The following TCF20 variants were observed in gnomAD, a reference collection of about 807,000 sequenced individuals.
TCF20 encodes transcription factor 20, also known as SPRE-binding protein.
Under a neutral mutation model 148.6 loss-of-function variants are expected in TCF20, and 3 were observed. The observed-to-expected ratio is 0.02, with a 90% CI of 0.01 to 0.05. TCF20 has a LOEUF of 0.05. Among genes scored for constraint, TCF20 ranks in the 10% least tolerant of loss-of-function variants. TCF20 has a pLI of 1.00. For missense variants in TCF20, 2,350 were observed against 2,429.3 expected (o/e 0.97, Z 0.69); for synonymous variants, 1,049 against 909.5 (o/e 1.15, Z -2.76).
At chr22:42,199,612 G>A (rs1214422975) in intron 2 of TCF20, among the ~76,000 whole-genome samples, 1 of 142,150 alleles carries the variant, frequency 7.0e-6, no homozygotes, top group Non-Finnish European at 1.5e-5. Flanking sequence ...GCTCAGGCCT[G>A]TAATCCCGAC....
chr22:42,259,061 C>A (rs917169885), intron 1 of TCF20, among the ~76,000 whole-genome samples: 4 of 152,206 alleles, frequency 2.6e-5, no homozygotes, highest in African/African-American at 9.6e-5. Flanking sequence ...ACCCAACTGA[C>A]ATTTCTCAGT....
intron 2 of TCF20, among the ~76,000 whole-genome samples, chr22:42,198,507 G>A (rs1035087253): frequency 6.6e-6 from 1 of 152,130 alleles, no homozygotes; most frequent in Admixed American, 6.5e-5. Flanking sequence ...TATAAGCTAA[G>A]CACATCCTCC....
At chr22:42,232,119 TTTATACC>T (rs1923473034) in intron 1 of TCF20, among the ~76,000 whole-genome samples, 1 of 152,116 alleles carries the variant, frequency 6.6e-6, no homozygotes, top group South Asian at 2.1e-4. Flanking sequence ...TTCCTTATCT[TTTATACC>T]TTATTTTTAC....
chr22:42,214,723 G>A lies in TCF20; in HGVS notation c.583C>T (p.Pro195Ser). 6.2e-7 allele frequency: 1 copy of A among 1,614,134 alleles called. No homozygotes were observed. Among genetic ancestry groups the A allele is most frequent in the Non-Finnish European group, 8.5e-7 (1 of 1,180,038 alleles). ...QQLYQSHQPL[P>S]QATGQPASSS... is the part of the protein sequence containing the mutation. ...GATGCTGGTTGGCCAGTGGCCTGTG[G>A]CAGGGGCTGATGGGACTGGTAAAGC... Residue 195 changes from proline (P) to serine (S), a missense_variant, in exon 2 of 6, where the codon CCA becomes TCA. Coordinates refer to ENST00000677622, the MANE Select transcript of TCF20 (RefSeq NM_001378418.1).
chr22:42,211,945 T>C lies in TCF20; in HGVS notation c.3361A>G (p.Lys1121Glu). ...AGAAACTGCTGCTGCCTTGGACTCT[T>C]CCGTGGCCCCTCCTGCCTGTGCTGT... ...AAQHRQEGPR[K>E]SPRQQQFLDR... Residue 1121 changes from lysine (K) to glutamate (E), a missense_variant, in exon 2 of 6, where the codon AAG (lysine) becomes GAG (glutamate). Physicochemically the swap from Lys to Glu is moderately conservative, Grantham distance 56 (BLOSUM62 1). Around this residue, in one of 7 missense-constraint regions of TCF20, gnomAD observed 1,641 missense variants for 1,662.6 expected, o/e 0.99. Coordinates refer to ENST00000677622, the MANE Select transcript of TCF20 (RefSeq NM_001378418.1). The C allele has an allele frequency of 6.2e-7, 1 of 1,614,220 alleles. No individual in the cohort carries two copies. Among genetic ancestry groups the C allele is most frequent in the Non-Finnish European group, 8.5e-7 (1 of 1,180,036 alleles).
intron 5 of TCF20, 107 bp from the exon 6 acceptor site, chr22:42,161,465 C>G: frequency 7.0e-7 from 1 of 1,425,882 alleles, no homozygotes; most frequent in South Asian, 1.2e-5. Context: ...GGAGCCTGCA[C>G]TCACGCCCCT....
At position 42,210,410 on chromosome 22, in the gene TCF20, G is replaced by A. The variant is rs978779347; in HGVS notation, c.4896C>T (p.Tyr1632=). The change falls in exon 2 of 6, where the codon TAC becomes TAT. Residue 1632 remains tyrosine, a synonymous_variant. Coordinates refer to ENST00000677622, the MANE Select transcript of TCF20 (RefSeq NM_001378418.1). This position sits in a 1 kb window ranked among gnomAD's most constrained non-coding sequence, Gnocchi z 4.7. The part of the protein sequence containing the change: ...DKTDAKNKSF[Y]PYIHVVNKCE... Reference sequence around the variant, plus strand: ...ACTTATTTACTACATGGATGTAAGGGTAAAAAGACTTGTTCTTGGCATCAG... The same window carrying A: ...ACTTATTTACTACATGGATGTAAGGATAAAAAGACTTGTTCTTGGCATCAG... 1.2e-6 allele frequency: 2 copies of A among 1,614,234 alleles called. No homozygotes were observed. The highest frequency in any genetic ancestry group is 1.1e-5 in the South Asian group (1 of 91,086).
Position 42,311,042 on chromosome 22 carries a change from G to A in TCF20, c.-37+32437C>T, listed in dbSNP as rs1414801455. ...TTAGGAACCGTATGGCTGGCCCAAG[G>A]CTGGCCCGGTGGCATCCAGGGATTG... On this transcript the variant is annotated intron_variant, in intron 1 of 1. Coordinates refer to the TCF20 transcript ENST00000515426. Among the ~76,000 whole-genome samples, 8 of 152,216 alleles carry A rather than the reference G, an allele frequency of 5.3e-5. No homozygotes were observed. In the East Asian group the frequency reaches 1.5e-3, roughly 29 times the overall value.
At chr22:42,165,155 G>A (rs149730300) in intron 5 of TCF20, among the ~76,000 whole-genome samples, 5 of 152,358 alleles carry the variant, frequency 3.3e-5, no homozygotes, top group Admixed American at 1.3e-4. Flanking sequence ...TCCTCTGGAG[G>A]TGTAACCCTG....
intron 1 of TCF20, among the ~76,000 whole-genome samples, chr22:42,291,550 G>A (rs1348477636): frequency 1.3e-5 from 2 of 152,188 alleles, no homozygotes; most frequent in African/African-American, 4.8e-5. Flanking sequence ...TGCTGGGACC[G>A]CCTCTGGGAG....
In TCF20 at chr22:42,210,833, A is replaced by T. The variant is rs775870538; in HGVS notation, c.4473T>A (p.Phe1491Leu). 1 of 1,614,062 alleles carries T rather than the reference A, an allele frequency of 6.2e-7. No homozygotes were observed. The highest frequency in any genetic ancestry group is 1.7e-5 in the Admixed American group (1 of 60,016). ...CTGGAGGTACATTCTTTGAGTCTGG[A>T]AAGATTAAAGGTGCTGTTCCACCCA... ...GSLGGTAPLI[F>L]PDSKNVPPVG... Residue 1491 changes from phenylalanine to leucine, a missense_variant, in exon 2 of 6, where the codon TTT becomes TTA. Phe to Leu is a conservative substitution (Grantham distance 22). Transcript: ENST00000677622. This position sits in a 1 kb window ranked among gnomAD's most constrained non-coding sequence, Gnocchi z 4.7.
Position 42,295,668 on chromosome 22 carries a change from A to G in TCF20, c.-37+47811T>C, listed in dbSNP as rs1021526012. On this transcript the variant is annotated intron_variant, in intron 1 of 1. Transcript: ENST00000515426. ...ATGTTGAGGCTAGTCTCGAACTCCT[A>G]ACCTCAAGTGATCCACCCACCTCAG... 1.6e-4 allele frequency among the ~76,000 whole-genome samples: 25 copies of G among 151,890 alleles called. 1 individual carries two copies. The highest frequency in any genetic ancestry group is 2.4e-4 in the Non-Finnish European group (16 of 67,916).
At chr22:42,267,788 T>G (rs1926369120) in intron 1 of TCF20, among the ~76,000 whole-genome samples, 1 of 152,134 alleles carries the variant, frequency 6.6e-6, no homozygotes, top group Non-Finnish European at 1.5e-5. Context: ...CCGAAGTCAA[T>G]AATTATAAGC....
chr22:42,259,721 CACT>C (rs1026197656), intron 1 of TCF20, among the ~76,000 whole-genome samples: 23 of 152,202 alleles, frequency 1.5e-4, no homozygotes, highest in Non-Finnish European at 1.5e-5. Context: ...ATCCTACCAC[CACT>C]ATCCTCAATA....
At position 42,161,356 on chromosome 22, in the gene TCF20, C is replaced by G; in HGVS notation, c.*47G>C. The G allele has an allele frequency of 6.2e-7, 1 of 1,614,098 alleles. No individual in the cohort carries two copies. The highest frequency in any genetic ancestry group is 8.5e-7 in the Non-Finnish European group (1 of 1,179,986). On this transcript the variant is annotated splice_region_variant and 3_prime_UTR_variant, in exon 6 of 6. Transcript: ENST00000677622. ...CACCACCTTCTCATCTCCACAGTCT[C>G]ACCTGGAAGACAAGGGACACACAGT...
chr22:42,265,852 T>G (rs921195673), intron 1 of TCF20, among the ~76,000 whole-genome samples: 3 of 152,204 alleles, frequency 2.0e-5, no homozygotes, highest in African/African-American at 2.4e-5. Flanking sequence ...TGTTACTCTT[T>G]AAGCTGATAC....
intron 1 of TCF20, among the ~76,000 whole-genome samples, chr22:42,307,265 C>A (rs1927452657): frequency 6.6e-6 from 1 of 152,146 alleles, no homozygotes; most frequent in Admixed American, 6.5e-5. Flanking sequence ...AGCATCCTCG[C>A]CCCGGAATGT....
At chr22:42,208,606 A>C (rs1938549387) in intron 2 of TCF20, among the ~76,000 whole-genome samples, 1 of 152,162 alleles carries the variant, frequency 6.6e-6, no homozygotes, top group Non-Finnish European at 1.5e-5. Context: ...ACAAAACAAA[A>C]CAAAACCAAA....
chr22:42,257,927 T>C (rs1469274385), intron 1 of TCF20, among the ~76,000 whole-genome samples: 1 of 152,234 alleles, frequency 6.6e-6, no homozygotes, highest in African/African-American at 2.4e-5. Flanking sequence ...ACTATACAGC[T>C]AGTGCTACAT....
Sources: allele counts gnomAD v4.1 joint callset (sites outside exome capture counted in the v4.1 genomes callset), GRCh38; gene constraint gnomAD v4.1.1; regional missense constraint gnomAD v4.1.1; non-coding constraint Gnocchi (gnomAD v3.1); transcripts MANE v1.5; gene names NCBI Gene and HGNC (gene_info 2026-07-23, HGNC 2026-07-21).